The following NFIC variants were observed in gnomAD, a reference collection of about 807,000 sequenced individuals.
NFIC encodes the protein nuclear factor I C, also known as nuclear factor 1 C-type.
NFIC carries 12 observed loss-of-function variants against 54.4 expected under a neutral mutation model. The observed-to-expected ratio is 0.22, with a 90% CI of 0.14 to 0.36. The LOEUF (loss-of-function observed/expected upper bound fraction) is 0.36, where lower values mean the gene tolerates loss of function less well. NFIC is among the 10% of genes least tolerant of loss of function. NFIC has a pLI of 1.00. For missense variants in NFIC, 575 were observed against 718.2 expected (o/e 0.80, Z 2.28); for synonymous variants, 322 against 319.2 (o/e 1.01, Z -0.09).
intron 2 of NFIC, among the ~76,000 whole-genome samples, chr19:3,418,475 G>A (rs1017564955): frequency 2.0e-5 from 3 of 152,286 alleles, no homozygotes; most frequent in Middle Eastern, 3.4e-3. Flanking sequence ...GCTGTAGAAC[G>A]TGAGGAGTTT....
At position 3,452,375 on chromosome 19, in the gene NFIC, G is replaced by C; in HGVS notation, c.1085-107G>C. 7.1e-7 allele frequency: 1 copy of C among 1,405,066 alleles called. No individual in the cohort carries two copies. Among genetic ancestry groups the C allele is most frequent in the South Asian group, 1.3e-5 (1 of 79,830 alleles). 87.0% of individuals were successfully genotyped at this position (1,405,066 alleles called of 1,614,324 possible). On this transcript the variant is annotated intron_variant, in intron 7 of 10. Transcript: ENST00000443272. This position sits in a 1 kb window ranked among gnomAD's most constrained non-coding sequence, Gnocchi z 5.3. ...TTTTTGGTGGTTATTGTTACTAAAC[G>C]CACTGAGATGCCGGCAGGAATGACA...
chr19:3,371,114 C>A (rs2081000607), intron 1 of NFIC, among the ~76,000 whole-genome samples: 1 of 152,132 alleles, frequency 6.6e-6, no homozygotes, highest in Non-Finnish European at 1.5e-5. Context: ...CAATATAGTA[C>A]CTGGTATAGA....
Position 3,464,167 on chromosome 19 carries a change from C to G in NFIC, c.*1398C>G, listed in dbSNP as rs898136384. On this transcript the variant is annotated 3_prime_UTR_variant, in exon 11 of 11. Coordinates refer to ENST00000443272, the MANE Select transcript of NFIC (RefSeq NM_001245002.2). ...GAAGGGGGACCGCCGTTTGCACTTTCATCGCCTACCCCGACGCGGGGCCCA... is the reference window on the plus strand; with the variant it reads ...GAAGGGGGACCGCCGTTTGCACTTTGATCGCCTACCCCGACGCGGGGCCCA... The G allele has an allele frequency of 2.0e-6, 2 of 984,298 alleles. No individual in the cohort carries two copies. The highest frequency in any genetic ancestry group is 3.6e-5 in the African/African-American group (2 of 56,266). The allele number at this position is 984,298 out of a possible 1,614,324, so 61.0% of individuals were successfully genotyped here.
At chr19:3,444,554 G>A (rs1376193815) in intron 6 of NFIC, among the ~76,000 whole-genome samples, 1 of 152,182 alleles carries the variant, frequency 6.6e-6, no homozygotes, top group Non-Finnish European at 1.5e-5. Flanking sequence ...GGAGCGTGCC[G>A]GCTTATTCTT....
At chr19:3,368,667 G>C in intron 1 of NFIC, among the ~76,000 whole-genome samples, 1 of 152,024 alleles carries the variant, frequency 6.6e-6, no homozygotes, top group South Asian at 2.1e-4. Context: ...TGGAGCTGGG[G>C]ACCCCCTTTC....
rs759167775 is a variant in NFIC, at chr19:3,375,039, G to C, written c.31-6673G>C. ...GAGGAACATAGAGAAGGGAGGGACA[G>C]TTAGGGAGGAGGAAGGGAACTCAGA... On this transcript the variant is annotated intron_variant, in intron 1 of 10. Transcript: ENST00000443272. This position sits in a 1 kb window ranked among gnomAD's most constrained non-coding sequence, Gnocchi z 4.6. Among the ~76,000 whole-genome samples, 1 of 151,656 alleles carries C rather than the reference G, an allele frequency of 6.6e-6. No homozygotes were observed. The highest frequency in any genetic ancestry group is 2.4e-5 in the African/African-American group (1 of 41,224).
chr19:3,361,929 GAC>G (rs1186040330), upstream of NFIC, among the ~76,000 whole-genome samples: 1 of 152,074 alleles, frequency 6.6e-6, no homozygotes, highest in Non-Finnish European at 1.5e-5. Context: ...GACTCACATA[GAC>G]ACACACAGGC....
intron 10 of NFIC, among the ~76,000 whole-genome samples, chr19:3,460,281 G>A (rs1266405722): frequency 6.6e-6 from 1 of 152,208 alleles, no homozygotes; most frequent in Non-Finnish European, 1.5e-5. Flanking sequence ...ATTCCTGAGA[G>A]GCAGGCGAGG....
intron 2 of NFIC, among the ~76,000 whole-genome samples, chr19:3,409,199 G>C (rs1321734031): frequency 6.6e-6 from 1 of 152,082 alleles, no homozygotes; most frequent in Non-Finnish European, 1.5e-5. Flanking sequence ...GCAGCCTGGG[G>C]TCTGTCTCTG....
chr19:3,433,798 C>G (rs1006923124), intron 4 of NFIC, among the ~76,000 whole-genome samples: 1 of 152,168 alleles, frequency 6.6e-6, no homozygotes, highest in African/African-American at 2.4e-5. Flanking sequence ...GAAACAGAAT[C>G]TAAATGCTGG....
chr19:3,436,284 A>C (rs1488291647), intron 6 of NFIC, among the ~76,000 whole-genome samples: 2 of 147,852 alleles, frequency 1.4e-5, no homozygotes, highest in Admixed American at 1.4e-4. Context: ...ATCGGACTGC[A>C]GGTGCATACT....
In NFIC at chr19:3,429,225, C is replaced by G. The variant is rs141783069; in HGVS notation, c.634+4048C>G. Among the ~76,000 whole-genome samples the G allele has an allele frequency of 5.0e-3, 520 of 102,988 alleles. 14 individuals carry two copies. The highest frequency in any genetic ancestry group is 0.02 in the African/African-American group (501 of 24,900). The allele number at this position is 102,988 out of a possible 152,430, so 67.6% of individuals were successfully genotyped here. ...TGGGTAATATAGCAAGACCCTATCT[C>G]TACCCCAAAAAAAAAAAAAAAAATA... is the stretch of plus-strand genomic sequence containing the variant. On this transcript the variant is annotated intron_variant, in intron 3 of 10. Coordinates refer to ENST00000443272, the MANE Select transcript of NFIC (RefSeq NM_001245002.2).
rs141922229 is a variant in NFIC at position 3,393,676 on chromosome 19, G to A, written c.562+11433G>A. Among the ~76,000 whole-genome samples the A allele has an allele frequency of 4.8e-3, 721 of 151,622 alleles. 5 individuals are homozygous for A. Among genetic ancestry groups the A allele is most frequent in the African/African-American group, 0.016 (679 of 41,404 alleles). On this transcript the variant is annotated intron_variant, in intron 2 of 10. Transcript: ENST00000443272. ...CTAAAAATACAAAAATGAGCCGGGC[G>A]TGGTGGCGCGAACCTGTAATCCCAG...
At chr19:3,393,886 A>G (rs1445042056) in intron 2 of NFIC, among the ~76,000 whole-genome samples, 3 of 151,150 alleles carry the variant, frequency 2.0e-5, no homozygotes, top group Admixed American at 6.6e-5. Flanking sequence ...CCTCACACTT[A>G]AGAATGTAAA....
At chr19:3,388,155 T>C (rs1022708092) in intron 2 of NFIC, among the ~76,000 whole-genome samples, 11 of 151,880 alleles carry the variant, frequency 7.2e-5, no homozygotes, top group African/African-American at 2.4e-4. Flanking sequence ...AATGGCGCGG[T>C]GGGCAGAGCC....
At chr19:3,415,097 C>G (rs1271645788) in intron 2 of NFIC, among the ~76,000 whole-genome samples, 2 of 151,984 alleles carry the variant, frequency 1.3e-5, no homozygotes, top group African/African-American at 4.8e-5. Flanking sequence ...GCCTCAGGCT[C>G]CCAAAGTGCT....
At chr19:3,399,237 C>G (rs1388910616) in intron 2 of NFIC, among the ~76,000 whole-genome samples, 1 of 152,170 alleles carries the variant, frequency 6.6e-6, no homozygotes, top group South Asian at 2.1e-4. Flanking sequence ...TAAAATAGCG[C>G]CTGCTCTGTG....
chr19:3,438,526 T>C (rs938787433), intron 6 of NFIC, among the ~76,000 whole-genome samples: 2 of 150,484 alleles, frequency 1.3e-5, no homozygotes, highest in Non-Finnish European at 3.0e-5. Context: ...CAAGCTCCGC[T>C]TCCCGGGTTC....
At chr19:3,427,891 C>T (rs933431619) in intron 3 of NFIC, among the ~76,000 whole-genome samples, 7 of 150,772 alleles carry the variant, frequency 4.6e-5, no homozygotes, top group East Asian at 2.0e-4. Flanking sequence ...AAAGAAGGGC[C>T]GGGTGCGGGG....
Sources: gnomAD v4.1 joint callset for allele counts (sites outside exome capture counted in the v4.1 genomes callset) on GRCh38, gnomAD v4.1.1 for gene constraint, Gnocchi (gnomAD v3.1) non-coding constraint, MANE v1.5 for transcripts, NCBI Gene and HGNC (gene_info 2026-07-23, HGNC 2026-07-21) for gene names.